The following ESRRG variants were observed in gnomAD, a reference collection of about 807,000 sequenced individuals.
ESRRG encodes estrogen-related receptor gamma.
A neutral mutation model predicts 44.0 loss-of-function variants in ESRRG; 13 were observed. The observed-to-expected ratio is 0.30, with a 90% confidence interval of 0.19 to 0.47. The LOEUF is 0.47. Among genes scored for constraint, ESRRG ranks in the 20% least tolerant of loss-of-function variants. The probability of loss-of-function intolerance (pLI) is 1.00; values close to 1 mark genes in which losing one functional copy is unlikely to be tolerated. For synonymous variants in ESRRG, 215 were observed against 214.6 expected, an observed-to-expected ratio of 1.00 and a Z score of -0.02; for missense variants, 395 against 580.6, an observed-to-expected ratio of 0.68 and a Z score of 3.29.
intron 5 of ESRRG, among the ~76,000 whole-genome samples, chr1:216,540,972 C>G (rs17042779): frequency 6.6e-6 from 1 of 151,872 alleles, no homozygotes; most frequent in Admixed American, 6.6e-5. Context: ...ATGACATTTA[C>G]TAATGTGTTG....
chr1:217,053,465 A>AAAGAAAGAAAG (rs2086483742), intron 1 of ESRRG, among the ~76,000 whole-genome samples: 4 of 145,514 alleles, frequency 2.7e-5, no homozygotes, highest in Non-Finnish European at 6.0e-5. Context: ...AAAGCCAAAA[A>AAAGAAAGAAAG]AAAGAAAGAA....
At chr1:216,740,058 A>C (rs1276477078) in intron 2 of ESRRG, among the ~76,000 whole-genome samples, 2 of 152,142 alleles carry the variant, frequency 1.3e-5, no homozygotes, top group African/African-American at 2.4e-5. Context: ...CCCTTGGATC[A>C]CTGACTTGCT....
chr1:216,675,342 A>G (rs1371092937), intron 2 of ESRRG, among the ~76,000 whole-genome samples: 1 of 152,072 alleles, frequency 6.6e-6, no homozygotes, highest in Non-Finnish European at 1.5e-5. Flanking sequence ...CCTGGGCCAC[A>G]AGAGTAAAAA....
chr1:216,899,466 G>A (rs1275954388), intron 2 of ESRRG, among the ~76,000 whole-genome samples: 1 of 152,130 alleles, frequency 6.6e-6, no homozygotes, highest in Non-Finnish European at 1.5e-5. Context: ...GTCTGCTTAG[G>A]GCCACTGAAG....
chr1:216,979,495 A>G (rs185771425), intron 1 of ESRRG, among the ~76,000 whole-genome samples: 118 of 152,154 alleles, frequency 7.8e-4, no homozygotes, highest in Non-Finnish European at 1.5e-3. Context: ...AGATTCTTAG[A>G]TTCTTGGGTC....
chr1:217,073,667 GT>G (rs764791395), intron 1 of ESRRG, among the ~76,000 whole-genome samples: 43 of 151,844 alleles, frequency 2.8e-4, no homozygotes, highest in Non-Finnish European at 4.6e-4. Context: ...TGATTCACAA[GT>G]AAAAATGAAA....
intron 1 of ESRRG, among the ~76,000 whole-genome samples, chr1:216,692,874 G>A (rs2151754089): frequency 6.6e-6 from 1 of 152,304 alleles, no homozygotes; most frequent in South Asian, 2.1e-4. Context: ...TAGGTTATAT[G>A]ACATAGCCTA....
intron 3 of ESRRG, among the ~76,000 whole-genome samples, chr1:216,592,931 A>T (rs1366888886): frequency 6.6e-6 from 1 of 152,198 alleles, no homozygotes; most frequent in South Asian, 2.1e-4. Flanking sequence ...TGAGATAGGT[A>T]TTACTATGTT....
At chr1:216,868,888 T>G (rs1164362979) in intron 2 of ESRRG, among the ~76,000 whole-genome samples, 1 of 152,126 alleles carries the variant, frequency 6.6e-6, no homozygotes. Context: ...TCTGTTCAAG[T>G]CTTTTGCACA....
chr1:216,980,146 T>G (rs1047491925), intron 1 of ESRRG, among the ~76,000 whole-genome samples: 3 of 152,218 alleles, frequency 2.0e-5, no homozygotes, highest in Non-Finnish European at 4.4e-5. Flanking sequence ...ATCCTACTTT[T>G]TCTTGTTTTA....
At chr1:217,051,490 A>G (rs2086030473) in intron 1 of ESRRG, among the ~76,000 whole-genome samples, 1 of 152,124 alleles carries the variant, frequency 6.6e-6, no homozygotes, top group Non-Finnish European at 1.5e-5. Flanking sequence ...GCAACATCCA[A>G]ATAACTTTGC....
At chr1:216,688,219 A>C (rs2078385463) in intron 1 of ESRRG, among the ~76,000 whole-genome samples, 1 of 152,202 alleles carries the variant, frequency 6.6e-6, no homozygotes, top group Non-Finnish European at 1.5e-5. Context: ...GTGTAAAAAT[A>C]AAATAGAAGC....
At chr1:216,837,304 G>A (rs527720042) in intron 2 of ESRRG, among the ~76,000 whole-genome samples, 4 of 151,818 alleles carry the variant, frequency 2.6e-5, no homozygotes, top group East Asian at 3.9e-4. Flanking sequence ...CCAGCTACTC[G>A]GGAGGCTGAG....
intron 2 of ESRRG, among the ~76,000 whole-genome samples, chr1:216,885,140 C>T (rs2096496837): frequency 6.7e-6 from 1 of 149,766 alleles, no homozygotes; most frequent in South Asian, 2.1e-4. Context: ...AGGAAGGCAG[C>T]AAGATACATG....
chr1:217,134,807 T>C (rs934553439), intron 1 of ESRRG, among the ~76,000 whole-genome samples: 1 of 152,208 alleles, frequency 6.6e-6, no homozygotes, highest in African/African-American at 2.4e-5. Flanking sequence ...TAAAACCGCA[T>C]AGTCTGCGGC....
At chr1:216,806,170 C>CCGCA (rs1166155161) in intron 2 of ESRRG, among the ~76,000 whole-genome samples, 3 of 152,232 alleles carry the variant, frequency 2.0e-5, no homozygotes, top group Non-Finnish European at 2.9e-5. Context: ...ATGCTAAAGG[C>CCGCA]CGCAGCCTTT....
chr1:216,759,010 G>T (rs1173075066), intron 2 of ESRRG, among the ~76,000 whole-genome samples: 1 of 152,016 alleles, frequency 6.6e-6, no homozygotes, highest in Non-Finnish European at 1.5e-5. Context: ...AGGTCACACT[G>T]CTGGTACCAT....
At chr1:217,036,611 G>A (rs997071460) in intron 1 of ESRRG, among the ~76,000 whole-genome samples, 1 of 152,140 alleles carries the variant, frequency 6.6e-6, no homozygotes, top group African/African-American at 2.4e-5. Flanking sequence ...GGAGCTAAAT[G>A]ATTAGAACAC....
chr1:216,591,593 G>C (rs549759642), intron 3 of ESRRG, among the ~76,000 whole-genome samples: 1 of 152,282 alleles, frequency 6.6e-6, no homozygotes, highest in East Asian at 1.9e-4. Flanking sequence ...AATAAATAAA[G>C]CTCCTGGGAG....
Sources: allele counts gnomAD v4.1 joint callset (sites outside exome capture counted in the v4.1 genomes callset), GRCh38; gene constraint gnomAD v4.1.1; transcripts MANE v1.5; gene names NCBI Gene and HGNC (gene_info 2026-07-23, HGNC 2026-07-21).